The following R3HDM4 variants were observed in gnomAD, a reference collection of about 807,000 sequenced individuals.
R3HDM4 encodes R3H domain containing 4.
R3HDM4 carries 30 observed loss-of-function variants against 31.3 expected under a neutral mutation model. The ratio of observed to expected loss-of-function variants is 0.96; its 90% CI spans 0.72 to 1.30. R3HDM4 has a LOEUF of 1.30. Ranked by LOEUF, R3HDM4 falls within the 50% of genes most tolerant of loss-of-function variation. The pLI is 0.00. For synonymous variants in R3HDM4, 196 were observed against 156.6 expected, an observed-to-expected ratio of 1.25 and a Z score of -1.88; for missense variants, 444 against 366.1, an observed-to-expected ratio of 1.21 and a Z score of -1.74.
In R3HDM4 at chr19:913,171, T is replaced by TCGCCGC. The variant is rs947644831; in HGVS notation, c.-20_-15dup. On this transcript the variant is annotated 5_prime_UTR_variant, in exon 1 of 8. Coordinates refer to ENST00000361574, the MANE Select transcript of R3HDM4 (RefSeq NM_138774.4). The surrounding 1 kb of genome is among the most constrained non-coding windows in gnomAD (Gnocchi z 5.0). Reference sequence around the variant, plus strand: ...CAGCGCGACCATGGCTCGCACGCTGTCGCCGCCGCCGCCGCCCGGCAGGGC... The same window carrying TCGCCGC: ...CAGCGCGACCATGGCTCGCACGCTGTCGCCGCCGCCGCCGCCGCCGCCCGGCAGGGC... 6 of 1,063,566 alleles carry TCGCCGC rather than the reference T, an allele frequency of 5.6e-6. No individual in the cohort carries two copies. Among genetic ancestry groups the TCGCCGC allele is most frequent in the Non-Finnish European group, 5.7e-6 (5 of 883,190 alleles). 65.9% of individuals were successfully genotyped at this position (1,063,566 alleles called of 1,614,324 possible). A position where few individuals can be genotyped will look rare whatever the true frequency, so the allele number is the denominator to read the frequency against.
At chr19:908,192 C>T (rs1480548305) in intron 1 of R3HDM4, among the ~76,000 whole-genome samples, 2 of 150,534 alleles carry the variant, frequency 1.3e-5, no homozygotes, top group Non-Finnish European at 3.0e-5. Context: ...ACTCTGTCTC[C>T]CAAAAAAACA....
In R3HDM4 at chr19:897,364, GAT is replaced by G. The variant is rs2145276709; in HGVS notation, c.*71_*72del. ...GAGGACAAATTCTAAAAATATGAAA[GAT>G]ATTTTAGCCGAAGGTATCGGAGGGC... On this transcript the variant is annotated 3_prime_UTR_variant, in exon 8 of 8. Coordinates refer to ENST00000361574, the MANE Select transcript of R3HDM4 (RefSeq NM_138774.4). The G allele has an allele frequency of 8.9e-7, 1 of 1,123,974 alleles. No individual in the cohort carries two copies. The highest frequency in any genetic ancestry group is 2.7e-5 in the East Asian group (1 of 37,342). The allele number at this position is 1,123,974 out of a possible 1,614,324, so 69.6% of individuals were successfully genotyped here.
At chr19:906,540 GC>G (rs1187892613) in intron 1 of R3HDM4, among the ~76,000 whole-genome samples, 1 of 151,830 alleles carries the variant, frequency 6.6e-6, no homozygotes. Context: ...TTTAACCTCA[GC>G]CCCCTCTCAA....
chr19:897,575 A>G (rs1318624982), intron 7 of R3HDM4, 35 bp from the exon 8 acceptor site: 8 of 1,541,654 alleles, frequency 5.2e-6, no homozygotes, highest in Non-Finnish European at 7.1e-6. Flanking sequence ...GAACGGGAGG[A>G]ATTTGGGAGC....
chr19:901,574 C>T lies in R3HDM4; in HGVS notation c.227-28G>A, dbSNP rs374955907. 26 of 1,586,456 alleles carry T rather than the reference C, an allele frequency of 1.6e-5. No homozygotes were observed. In the East Asian group the frequency reaches 2.3e-4, roughly 14 times the overall value. On this transcript the variant is annotated intron_variant, in intron 2 of 7. Coordinates refer to ENST00000361574, the MANE Select transcript of R3HDM4 (RefSeq NM_138774.4). ...AGGTGGAAACAGATGCTCTCTGGGC[C>T]GGGGTGGCATTTGGGGACCCCCAGG...
In R3HDM4 at chr19:903,559, G is replaced by A. The variant is rs921136233; in HGVS notation, c.72-1429C>T. Reference sequence around the variant, plus strand: ...CCACCCGGCACCTGGGAAGCGGGCCGGTGAGGGGGGGCCTCATGGATGGGG... The same window carrying A: ...CCACCCGGCACCTGGGAAGCGGGCCAGTGAGGGGGGGCCTCATGGATGGGG... On this transcript the variant is annotated intron_variant, in intron 1 of 7. Coordinates refer to ENST00000361574, the MANE Select transcript of R3HDM4 (RefSeq NM_138774.4). Among the ~76,000 whole-genome samples the A allele has an allele frequency of 7.6e-4, 115 of 152,294 alleles. 4 individuals are homozygous for A. The highest frequency in any genetic ancestry group is 2.9e-4 in the Non-Finnish European group (20 of 68,024).
rs2036800653 is a variant in R3HDM4 at position 899,743 on chromosome 19, G to T, written c.562-57C>A. ...GCGGGACCTGTGGGTGGGGGGCCAG[G>T]GAGGTCCAGGGCCCCCAGGAGCCCA... On this transcript the variant is annotated intron_variant, in intron 5 of 7. Transcript: ENST00000361574. This position sits in a 1 kb window ranked among gnomAD's most constrained non-coding sequence, Gnocchi z 6.8. 6 of 1,375,912 alleles carry T rather than the reference G, an allele frequency of 4.4e-6. No homozygotes were observed. The highest frequency in any genetic ancestry group is 5.9e-6 in the Non-Finnish European group (6 of 1,023,090). 85.2% of individuals were successfully genotyped at this position (1,375,912 alleles called of 1,614,324 possible). A position where few individuals can be genotyped will look rare whatever the true frequency, so the allele number is the denominator to read the frequency against.
intron 1 of R3HDM4, among the ~76,000 whole-genome samples, chr19:912,360 G>A (rs1448689290): frequency 1.2e-5 from 1 of 86,222 alleles, no homozygotes; most frequent in Non-Finnish European, 2.5e-5. Flanking sequence ...GTTGGGGGGC[G>A]GGCCCGGGAG....
At chr19:909,613 T>C (rs541434699) in intron 1 of R3HDM4, among the ~76,000 whole-genome samples, 4 of 151,518 alleles carry the variant, frequency 2.6e-5, no homozygotes, top group African/African-American at 7.3e-5. Flanking sequence ...CTGACCAACA[T>C]AGTGAAACCC....
chr19:897,675 C>G (rs950785363), intron 7 of R3HDM4, 135 bp from the exon 8 acceptor site: 3 of 675,820 alleles, frequency 4.4e-6, no homozygotes, highest in Non-Finnish European at 7.6e-6. Flanking sequence ...TCACTGCGGC[C>G]TGGCTGGCCC....
In R3HDM4 at chr19:902,392, T is replaced by C. The variant is rs1331299203; in HGVS notation, c.72-262A>G. On this transcript the variant is annotated intron_variant, in intron 1 of 7. Transcript: ENST00000361574. ...TGGGAGGCTGAGGCCGGTGGATCAC[T>C]TGAGCTCAGGGGTTCAAGACCAGCC... is the stretch of plus-strand genomic sequence containing the variant. 4 of 477,014 alleles carry C rather than the reference T, an allele frequency of 8.4e-6. No homozygotes were observed. In the East Asian group the frequency reaches 1.4e-4, roughly 17 times the overall value. 29.5% of individuals were successfully genotyped at this position (477,014 alleles called of 1,614,324 possible).
Position 896,792 on chromosome 19 carries a change from C to A in R3HDM4, c.*645G>T, listed in dbSNP as rs532676246. 1.3e-5 allele frequency: 2 copies of A among 152,638 alleles called. No individual in the cohort carries two copies. The highest frequency in any genetic ancestry group is 6.5e-5 in the Admixed American group (1 of 15,300). 9.5% of individuals were successfully genotyped at this position (152,638 alleles called of 1,614,324 possible). ...GGGGGCTCATATAAAGCAGGAGACC[C>A]TGAGCCCCGACACAGGTGGCGTGGG... On this transcript the variant is annotated 3_prime_UTR_variant, in exon 8 of 8. Coordinates refer to ENST00000361574, the MANE Select transcript of R3HDM4 (RefSeq NM_138774.4). The surrounding 1 kb of genome is among the most constrained non-coding windows in gnomAD (Gnocchi z 4.0).
At chr19:897,655 T>A in intron 7 of R3HDM4, 115 bp from the exon 8 acceptor site, 1 of 795,406 alleles carries the variant, frequency 1.3e-6, no homozygotes, top group Non-Finnish European at 2.0e-6. Context: ...CGCCAGCTGG[T>A]GTGTGCTGGT....
chr19:901,935 GCCCAGGAGCC>G (rs1318179326), intron 2 of R3HDM4, 31 bp downstream of exon 2: 5 of 1,608,780 alleles, frequency 3.1e-6, no homozygotes, highest in African/African-American at 1.3e-5. Context: ...ATTCTACAAG[GCCCAGGAGCC>G]CCCAGGAGGC....
intron 7 of R3HDM4, among the ~76,000 whole-genome samples, chr19:898,773 G>A (rs2036779479): frequency 6.6e-6 from 1 of 152,026 alleles, no homozygotes; most frequent in African/African-American, 2.4e-5. Flanking sequence ...TCCAAGCCCC[G>A]CACCCCCAGC....
At position 902,937 on chromosome 19, in the gene R3HDM4, G is replaced by C. The variant is rs1460571390; in HGVS notation, c.72-807C>G. Among the ~76,000 whole-genome samples the C allele has an allele frequency of 3.3e-5, 5 of 152,086 alleles. No individual in the cohort carries two copies. The East Asian group carries it at 9.7e-4, about 29-fold the overall frequency. On this transcript the variant is annotated intron_variant, in intron 1 of 7. Coordinates refer to ENST00000361574, the MANE Select transcript of R3HDM4 (RefSeq NM_138774.4). ...AGCCTGGGCGACGGAGTGAGACCTTGTCTCAAAAAAAAACAAAAAACTGTG... is the reference window on the plus strand; with the variant it reads ...AGCCTGGGCGACGGAGTGAGACCTTCTCTCAAAAAAAAACAAAAAACTGTG...
At chr19:910,846 G>A (rs978949562) in intron 1 of R3HDM4, among the ~76,000 whole-genome samples, 6 of 152,124 alleles carry the variant, frequency 3.9e-5, no homozygotes, top group Non-Finnish European at 5.9e-5. Flanking sequence ...ACTAGCCGGC[G>A]CGGTGGCTCA....
intron 1 of R3HDM4, among the ~76,000 whole-genome samples, chr19:905,381 T>C (rs1253413087): frequency 6.6e-6 from 1 of 151,526 alleles, no homozygotes; most frequent in East Asian, 1.9e-4. Context: ...GACGCATGCC[T>C]GTAATCCCAG....
chr19:898,064 T>A (rs936415076), intron 7 of R3HDM4, among the ~76,000 whole-genome samples: 1 of 151,558 alleles, frequency 6.6e-6, no homozygotes, highest in African/African-American at 2.4e-5. Context: ...GGTCAGGAGG[T>A]CGAGACCAGC....
Sources: allele counts gnomAD v4.1 joint callset (sites outside exome capture counted in the v4.1 genomes callset), GRCh38; gene constraint gnomAD v4.1.1; non-coding constraint Gnocchi (gnomAD v3.1); transcripts MANE v1.5; gene names NCBI Gene and HGNC (gene_info 2026-07-23, HGNC 2026-07-21).